Variants in CNTNAP2 observed in about 807,000 individuals in gnomAD.
CNTNAP2 encodes the protein contactin associated protein 2, also known as contactin-associated protein-like 2.
Under a neutral mutation model 155.2 loss-of-function variants are expected in CNTNAP2, and 98 were observed. That is an observed-to-expected ratio of 0.63 (90% CI 0.54 to 0.75). The LOEUF (loss-of-function observed/expected upper bound fraction) is 0.75, where lower values mean the gene tolerates loss of function less well. CNTNAP2 is among the 30% of genes least tolerant of loss of function. The pLI is 0.00. For synonymous variants in CNTNAP2, 651 were observed against 631.2 expected, an observed-to-expected ratio of 1.03 and a Z score of -0.47; for missense variants, 1,727 against 1,688.1, an observed-to-expected ratio of 1.02 and a Z score of -0.40.
rs550313375 is a variant in CNTNAP2 at position 147,957,904 on chromosome 7, G to A, written c.2256-19958G>A. Among the ~76,000 whole-genome samples the A allele has an allele frequency of 4.6e-5, 7 of 152,130 alleles. No individual in the cohort carries two copies. The East Asian group carries it at 1.4e-3, about 30-fold the overall frequency. ...AGTCTGGACAACATGAGGAGACTCT[G>A]TCTCTAAAAGAAAATTAAAAATTAG... On this transcript the variant is annotated intron_variant, in intron 14 of 23. Transcript: ENST00000361727.
At chr7:146,667,661 CA>C (rs1472877111) in intron 1 of CNTNAP2, among the ~76,000 whole-genome samples, 1 of 151,440 alleles carries the variant, frequency 6.6e-6, no homozygotes, top group Non-Finnish European at 1.5e-5. Flanking sequence ...CAGTGTTTTG[CA>C]GTTTTCCTTT....
intron 1 of CNTNAP2, among the ~76,000 whole-genome samples, chr7:146,313,456 A>T (rs1800860414): frequency 6.6e-6 from 1 of 152,152 alleles, no homozygotes; most frequent in Non-Finnish European, 1.5e-5. Context: ...TAAACCCCTC[A>T]TCAGGTGTAT....
chr7:148,282,737 C>A (rs1405195032), intron 21 of CNTNAP2, among the ~76,000 whole-genome samples: 1 of 152,070 alleles, frequency 6.6e-6, no homozygotes. Context: ...TTTTAATTAA[C>A]AAAAGCAACC....
intron 14 of CNTNAP2, among the ~76,000 whole-genome samples, chr7:147,925,562 G>A (rs543419492): frequency 1.3e-5 from 2 of 152,076 alleles, no homozygotes; most frequent in East Asian, 1.9e-4. Flanking sequence ...TGCCTCCCAG[G>A]TTCATGCCAT....
In CNTNAP2 at chr7:147,775,736, T is replaced by A. The variant is rs572005471; in HGVS notation, c.2099-127829T>A. ...AAGATAAGTGTGCAAATCACAGAGA[T>A]CTCAGTCCCTCTGGACTTGGCACTA... On this transcript the variant is annotated intron_variant, in intron 13 of 23. Coordinates refer to ENST00000361727, the MANE Select transcript of CNTNAP2 (RefSeq NM_014141.6). 2.3e-3 allele frequency among the ~76,000 whole-genome samples: 346 copies of A among 152,118 alleles called. 1 individual carries two copies. The highest frequency in any genetic ancestry group is 0.014 in the South Asian group (68 of 4,830).
chr7:148,073,331 G>A (rs1803417127), intron 15 of CNTNAP2, among the ~76,000 whole-genome samples: 1 of 152,132 alleles, frequency 6.6e-6, no homozygotes, highest in Admixed American at 6.6e-5. Context: ...TTCATTTTCT[G>A]TGGTTTCAGT....
At position 148,247,620 on chromosome 7, in the gene CNTNAP2, TC is replaced by T. The variant is rs1563010472; in HGVS notation, c.3381+17842del. ...TTCTCTCTCTCTCTCTCTCTCTCTC[TC>T]TCTCTATTTATTTATTTATTTATTT... On this transcript the variant is annotated intron_variant, in intron 20 of 23. Coordinates refer to ENST00000361727, the MANE Select transcript of CNTNAP2 (RefSeq NM_014141.6). Among the ~76,000 whole-genome samples, 418 of 139,258 alleles carry T rather than the reference TC, an allele frequency of 3.0e-3. 3 individuals are homozygous for T. The highest frequency in any genetic ancestry group is 9.9e-3 in the African/African-American group (342 of 34,438). The allele number at this position is 139,258 out of a possible 152,430, so 91.4% of individuals were successfully genotyped here. A position where few individuals can be genotyped will look rare whatever the true frequency, so the allele number is the denominator to read the frequency against.
At chr7:147,757,569 C>A (rs1178002828) in intron 13 of CNTNAP2, among the ~76,000 whole-genome samples, 1 of 152,120 alleles carries the variant, frequency 6.6e-6, no homozygotes, top group Non-Finnish European at 1.5e-5. Flanking sequence ...AAATAAAAAA[C>A]TAATGCCTAC....
chr7:147,678,154 T>C (rs2116976012), intron 13 of CNTNAP2, among the ~76,000 whole-genome samples: 1 of 152,022 alleles, frequency 6.6e-6, no homozygotes, highest in Non-Finnish European at 1.5e-5. Context: ...TCTTATTTTA[T>C]AGACATACAT....
At chr7:147,948,057 C>T (rs1800851718) in intron 14 of CNTNAP2, among the ~76,000 whole-genome samples, 1 of 151,898 alleles carries the variant, frequency 6.6e-6, no homozygotes, top group Non-Finnish European at 1.5e-5. Context: ...GAAAAAAATA[C>T]CTTAAAAATT....
intron 15 of CNTNAP2, among the ~76,000 whole-genome samples, chr7:147,993,594 T>C (rs1033474026): frequency 1.3e-5 from 2 of 152,154 alleles, no homozygotes; most frequent in African/African-American, 4.8e-5. Context: ...ACACCTTCAC[T>C]TAGGGGTTGA....
At chr7:147,365,162 A>T (rs2116903090) in intron 9 of CNTNAP2, among the ~76,000 whole-genome samples, 1 of 151,952 alleles carries the variant, frequency 6.6e-6, no homozygotes, top group East Asian at 1.9e-4. Flanking sequence ...CCAGCACTTG[A>T]GGAGGCAGAG....
chr7:147,930,579 A>G lies in CNTNAP2; in HGVS notation c.2255+26858A>G, dbSNP rs576340511. Among the ~76,000 whole-genome samples, 9 of 152,368 alleles carry G rather than the reference A, an allele frequency of 5.9e-5. No individual in the cohort carries two copies. The East Asian group carries it at 1.2e-3, about 20-fold the overall frequency. On this transcript the variant is annotated intron_variant, in intron 14 of 23. Transcript: ENST00000361727. ...AGCATCAGTACCTCTAAATATATGA[A>G]GCAAACACTGATGGAACTGAAGAAA...
intron 8 of CNTNAP2, among the ~76,000 whole-genome samples, chr7:147,244,866 T>A (rs1468859420): frequency 6.6e-6 from 1 of 152,214 alleles, no homozygotes; most frequent in Non-Finnish European, 1.5e-5. Flanking sequence ...AGAAGATACT[T>A]ATTTCTTAGA....
Position 148,222,524 on chromosome 7 carries a change from A to C in CNTNAP2, c.3247+5000A>C, listed in dbSNP as rs550107308. Among the ~76,000 whole-genome samples the C allele has an allele frequency of 1.6e-4, 24 of 152,320 alleles. 2 individuals are homozygous for C. The Middle Eastern group carries it at 0.01, about 65-fold the overall frequency. On this transcript the variant is annotated intron_variant, in intron 19 of 23. Coordinates refer to ENST00000361727, the MANE Select transcript of CNTNAP2 (RefSeq NM_014141.6). ...AATGGATCATTCCATGAATCGATGA[A>C]TGGATCATTCCATGAATCGATGAAT...
At chr7:147,093,116 C>T (rs536674253) in intron 4 of CNTNAP2, among the ~76,000 whole-genome samples, 53 of 150,834 alleles carry the variant, frequency 3.5e-4, no homozygotes, top group African/African-American at 1.3e-3. Context: ...TGGCGGATGC[C>T]TGTAGTCCCA....
chr7:147,430,278 C>CCTAGGA (rs1271573047), intron 10 of CNTNAP2, among the ~76,000 whole-genome samples: 1 of 152,274 alleles, frequency 6.6e-6, no homozygotes, highest in African/African-American at 2.4e-5. Flanking sequence ...TATGAGGTCA[C>CCTAGGA]AGCCTAGGAA....
chr7:147,012,645 G>GAA (rs1417345884), intron 3 of CNTNAP2, among the ~76,000 whole-genome samples: 1 of 152,084 alleles, frequency 6.6e-6, no homozygotes, highest in African/African-American at 2.4e-5. Flanking sequence ...TGAAACTTGA[G>GAA]AATTGTGATA....
intron 1 of CNTNAP2, among the ~76,000 whole-genome samples, chr7:146,321,966 C>G (rs1464224998): frequency 6.6e-6 from 1 of 151,066 alleles, no homozygotes; most frequent in African/African-American, 2.5e-5. Flanking sequence ...TTAGATATAT[C>G]ATTTAAATAT....
Sources: allele counts gnomAD v4.1 joint callset (sites outside exome capture counted in the v4.1 genomes callset), GRCh38; gene constraint gnomAD v4.1.1; transcripts MANE v1.5; gene names NCBI Gene and HGNC (gene_info 2026-07-23, HGNC 2026-07-21).